CSMD1: variants seen among roughly 807,000 people sequenced by gnomAD.
CSMD1 encodes the protein CUB and Sushi multiple domains 1.
A neutral mutation model predicts 417.5 loss-of-function variants in CSMD1; 213 were observed. The ratio of observed to expected loss-of-function variants is 0.51; its 90% CI spans 0.46 to 0.57. CSMD1 has a LOEUF of 0.57. CSMD1 is among the 20% of genes least tolerant of loss of function. The probability of loss-of-function intolerance (pLI) is 0.00; values close to 1 mark genes in which losing one functional copy is unlikely to be tolerated. For missense variants in CSMD1, 6,923 were observed against 4,529.7 expected (o/e 1.53, Z -15.17); for synonymous variants, 2,862 against 1,736.8 (o/e 1.65, Z -16.11).
intron 52 of CSMD1, among the ~76,000 whole-genome samples, chr8:3,004,703 G>A (rs984901194): frequency 4.6e-5 from 7 of 152,144 alleles, no homozygotes; most frequent in African/African-American, 1.4e-4. Context: ...TTTTCTCCAT[G>A]CTGAGAACAG....
At chr8:4,815,694 CA>C (rs1218931391) in intron 1 of CSMD1, among the ~76,000 whole-genome samples, 16,479 of 68,092 alleles carry the variant, frequency 0.24, 686 homozygotes, top group African/African-American at 0.32. Context: ...AAAGCTGTCT[CA>C]AAAAAAAAAA....
intron 10 of CSMD1, 78 bp from the exon 11 acceptor site, chr8:3,493,804 G>T (rs754024171): frequency 6.6e-6 from 8 of 1,212,910 alleles, no homozygotes; most frequent in Non-Finnish European, 9.4e-6. Context: ...CAAATATCTA[G>T]TTATACTGTT....
intron 5 of CSMD1, among the ~76,000 whole-genome samples, chr8:3,857,813 G>C (rs913262509): frequency 1.3e-5 from 2 of 152,182 alleles, no homozygotes; most frequent in Non-Finnish European, 2.9e-5. Flanking sequence ...GGCCAGAGTA[G>C]AAAAGAGCTT....
chr8:4,514,302 A>C (rs182482231), intron 2 of CSMD1, among the ~76,000 whole-genome samples: 16 of 152,206 alleles, frequency 1.1e-4, no homozygotes, highest in Non-Finnish European at 2.1e-4. Flanking sequence ...TATCTCATTT[A>C]ACCTTAATTA....
chr8:3,706,486 G>A (rs1801176006), intron 7 of CSMD1, among the ~76,000 whole-genome samples: 1 of 152,088 alleles, frequency 6.6e-6, no homozygotes. Flanking sequence ...TAATTCCCAT[G>A]CTTGACAAAT....
intron 5 of CSMD1, among the ~76,000 whole-genome samples, chr8:3,873,639 T>C (rs1319472585): frequency 6.6e-6 from 1 of 152,136 alleles, no homozygotes; most frequent in Admixed American, 6.5e-5. Flanking sequence ...ATAATTTGCA[T>C]ATCAAACCCC....
At chr8:4,295,703 T>C (rs910111331) in intron 3 of CSMD1, among the ~76,000 whole-genome samples, 26 of 145,004 alleles carry the variant, frequency 1.8e-4, no homozygotes, top group Non-Finnish European at 2.4e-4. Flanking sequence ...ATATGTTATA[T>C]ATTGTGTTAA....
chr8:3,779,351 C>G (rs898134385), intron 5 of CSMD1, among the ~76,000 whole-genome samples: 2 of 152,082 alleles, frequency 1.3e-5, no homozygotes, highest in African/African-American at 4.8e-5. Flanking sequence ...ACTGTAGCTA[C>G]AAATTGTAAT....
At chr8:4,780,839 G>A (rs1227691329) in intron 1 of CSMD1, among the ~76,000 whole-genome samples, 1 of 152,240 alleles carries the variant, frequency 6.6e-6, no homozygotes, top group Non-Finnish European at 1.5e-5. Context: ...CCGTTCCTCA[G>A]TTACTCCACT....
chr8:4,508,255 A>C (rs1409970329), intron 2 of CSMD1, among the ~76,000 whole-genome samples: 1 of 151,630 alleles, frequency 6.6e-6, no homozygotes, highest in Non-Finnish European at 1.5e-5. Context: ...ATTTTTCATC[A>C]GCTGTGTGTC....
At position 4,016,660 on chromosome 8, in the gene CSMD1, T is replaced by C. The variant is rs989915187; in HGVS notation, c.610+15245A>G. ...TGCTTTGTCTTCTACAGGTTTGTCT[T>C]ACTCTGTAAAGCAAGAGCTTCAGCA... On this transcript the variant is annotated intron_variant, in intron 4 of 69. Coordinates refer to ENST00000635120, the MANE Select transcript of CSMD1 (RefSeq NM_033225.6). Among the ~76,000 whole-genome samples the C allele has an allele frequency of 3.2e-4, 49 of 152,216 alleles. 1 individual carries two copies. The highest frequency in any genetic ancestry group is 1.1e-3 in the African/African-American group (47 of 41,456).
chr8:4,751,712 T>G (rs571196686), intron 1 of CSMD1, among the ~76,000 whole-genome samples: 4 of 152,262 alleles, frequency 2.6e-5, no homozygotes, highest in African/African-American at 9.6e-5. Context: ...ACAGACCAAT[T>G]TTATTTTCCC....
At chr8:4,037,874 C>A (rs1028603327) in intron 3 of CSMD1, among the ~76,000 whole-genome samples, 1 of 151,848 alleles carries the variant, frequency 6.6e-6, no homozygotes, top group African/African-American at 2.4e-5. Flanking sequence ...CGTATACATA[C>A]GTACAATAAC....
At chr8:4,064,166 A>G (rs1799123434) in intron 3 of CSMD1, among the ~76,000 whole-genome samples, 1 of 152,208 alleles carries the variant, frequency 6.6e-6, no homozygotes, top group African/African-American at 2.4e-5. Context: ...TTTGACTATG[A>G]AAAGTGCAAA....
rs1282069544 is a variant in CSMD1, at chr8:4,419,957, A to G, written c.411T>C (p.Tyr137=). The part of the protein sequence containing the change: ...AVSAQGFKAL[Y]EVLPSHTCGN... ...AAAACACAACCAATCTCCTACCTTCATATAATGCTTTGAAACCTTGGGCAC... is the reference window on the plus strand; with the variant it reads ...AAAACACAACCAATCTCCTACCTTCGTATAATGCTTTGAAACCTTGGGCAC... Residue 137 remains tyrosine, a synonymous_variant, in exon 3 of 70, where the codon TAT becomes TAC. Transcript: ENST00000635120. 2.6e-6 allele frequency: 4 copies of G among 1,567,924 alleles called. No homozygotes were observed. The highest frequency in any genetic ancestry group is 2.3e-5 in the East Asian group (1 of 42,998).
chr8:4,652,087 C>T (rs941983831), intron 1 of CSMD1, among the ~76,000 whole-genome samples: 26 of 152,118 alleles, frequency 1.7e-4, no homozygotes, highest in Non-Finnish European at 2.9e-4. Flanking sequence ...AAATCTTTAA[C>T]ACAATTTTTT....
At chr8:3,121,090 A>AT in intron 41 of CSMD1, among the ~76,000 whole-genome samples, 1 of 140,266 alleles carries the variant, frequency 7.1e-6, no homozygotes, top group Admixed American at 6.8e-5. Flanking sequence ...CCAAACAACA[A>AT]CAAAAAAAAA....
intron 12 of CSMD1, among the ~76,000 whole-genome samples, chr8:3,444,447 G>T (rs1219619608): frequency 6.6e-6 from 1 of 152,114 alleles, no homozygotes; most frequent in East Asian, 1.9e-4. Flanking sequence ...AACAATAAAA[G>T]AAATTACTGT....
chr8:4,259,486 T>A (rs995831517), intron 3 of CSMD1, among the ~76,000 whole-genome samples: 1 of 152,094 alleles, frequency 6.6e-6, no homozygotes, highest in African/African-American at 2.4e-5. Context: ...TAAATTTTCA[T>A]ACATAAAGTT....
Sources: allele counts gnomAD v4.1 joint callset (sites outside exome capture counted in the v4.1 genomes callset), GRCh38; gene constraint gnomAD v4.1.1; transcripts MANE v1.5; gene names NCBI Gene and HGNC (gene_info 2026-07-23, HGNC 2026-07-21).